SLC13A3: variants seen among roughly 807,000 people sequenced by gnomAD.
SLC13A3 encodes solute carrier family 13 member 3, also known as Na(+)/dicarboxylate cotransporter 3.
A neutral mutation model predicts 59.0 loss-of-function variants in SLC13A3; 40 were observed. That is an observed-to-expected ratio of 0.68 (90% confidence interval 0.53 to 0.88). The LOEUF is 0.88. Among genes scored for constraint, SLC13A3 ranks in the 40% least tolerant of loss-of-function variants. The pLI is 0.00. For synonymous variants in SLC13A3, 317 were observed against 330.3 expected (o/e 0.96, Z 0.44); for missense variants, 699 against 783.2 (o/e 0.89, Z 1.28).
rs749260125 is a variant in SLC13A3 at position 46,589,198 on chromosome 20, A to T, written c.978T>A (p.Ala326=). 56 of 1,614,092 alleles carry T rather than the reference A, an allele frequency of 3.5e-5. No individual in the cohort carries two copies. Among genetic ancestry groups the T allele is most frequent in the Non-Finnish European group, 4.6e-5 (54 of 1,180,034 alleles). Residue 326 remains alanine, a synonymous_variant, in exon 7 of 13, where the codon GCT becomes GCA. Transcript: ENST00000279027. ...GGTTCTGGTATTCTTCCCGAATTAC[A>T]GCTCGAGCCCTATCTTCTGCATTGG... ...IRTNAEDRAR[A]VIREEYQNLG...
rs149282922 is a variant in SLC13A3, at chr20:46,566,339, C to T, written c.1384G>A (p.Val462Met). ...IGGQLHPLEN[V>M]PPALAVLLIT... is the part of the protein sequence containing the mutation. Reference sequence around the variant, plus strand: ...AGCAGCACAGCCAGGGCGGGGGGCACATTCTCCAGGGGGTGCAGCTGCCCA... The same window carrying T: ...AGCAGCACAGCCAGGGCGGGGGGCATATTCTCCAGGGGGTGCAGCTGCCCA... The change falls in exon 11 of 13, where the codon GTG becomes ATG. Residue 462 changes from valine (V) to methionine (M), a missense_variant. Val to Met is a conservative substitution (Grantham distance 21). Transcript: ENST00000279027. 1.2e-4 allele frequency: 191 copies of T among 1,612,740 alleles called. No homozygotes were observed. The African/African-American group carries it at 2.5e-3, about 21-fold the overall frequency.
At chr20:46,615,463 C>G (rs2062545778) in intron 1 of SLC13A3, among the ~76,000 whole-genome samples, 1 of 152,160 alleles carries the variant, frequency 6.6e-6, no homozygotes, top group African/African-American at 2.4e-5. Context: ...CATCAGACAA[C>G]TGTGACAACA....
rs1555874375 is a variant in SLC13A3, at chr20:46,563,610, A to AGAG, written c.1495-60_1495-59insCTC. On this transcript the variant is annotated intron_variant, in intron 11 of 12. Coordinates refer to ENST00000279027, the MANE Select transcript of SLC13A3 (RefSeq NM_022829.6). Reference sequence around the variant, plus strand: ...GAGACCAACGCAGAGCGACCACAGCAAGAGGGAGAGAGAGAGAGAGAGGCA... The same window carrying AGAG: ...GAGACCAACGCAGAGCGACCACAGCAGAGAGAGGGAGAGAGAGAGAGAGAGGCA... 2.8e-4 allele frequency: 157 copies of AGAG among 560,446 alleles called. 1 individual carries two copies. The African/African-American group carries it at 9.7e-3, about 35-fold the overall frequency. The allele number at this position is 560,446 out of a possible 1,614,324, so 34.7% of individuals were successfully genotyped here.
intron 1 of SLC13A3, among the ~76,000 whole-genome samples, chr20:46,662,686 T>A (rs2063038550): frequency 6.6e-6 from 1 of 152,238 alleles, no homozygotes; most frequent in African/African-American, 2.4e-5. Flanking sequence ...AATGTTCTGA[T>A]GAGAAGTCAG....
chr20:46,578,024 G>A (rs2062096305), intron 9 of SLC13A3, among the ~76,000 whole-genome samples: 1 of 151,774 alleles, frequency 6.6e-6, no homozygotes, highest in Non-Finnish European at 1.5e-5. Flanking sequence ...TTTTTGAGAT[G>A]GAGTCTCGTC....
chr20:46,657,464 A>G (rs897729821), intron 1 of SLC13A3, among the ~76,000 whole-genome samples: 1 of 151,744 alleles, frequency 6.6e-6, no homozygotes, highest in Non-Finnish European at 1.5e-5. Context: ...GTACTGTATT[A>G]CGAGATTTTG....
At chr20:46,612,506 T>C (rs1005405589) in intron 2 of SLC13A3, among the ~76,000 whole-genome samples, 5 of 152,078 alleles carry the variant, frequency 3.3e-5, no homozygotes, top group African/African-American at 9.7e-5. Flanking sequence ...CACTCAAAAC[T>C]GCTCAACATT....
chr20:46,650,521 A>G (rs1310304281), intron 1 of SLC13A3, among the ~76,000 whole-genome samples: 1 of 152,206 alleles, frequency 6.6e-6, no homozygotes, highest in Non-Finnish European at 1.5e-5. Flanking sequence ...AAGACCAGTC[A>G]CTGCTTATTG....
At chr20:46,643,898 C>T (rs1406842809) in intron 1 of SLC13A3, among the ~76,000 whole-genome samples, 5 of 152,022 alleles carry the variant, frequency 3.3e-5, no homozygotes, top group South Asian at 4.2e-4. Flanking sequence ...ATTAGCCAGG[C>T]GTGGTGACGT....
At chr20:46,634,843 G>C (rs929799577) in intron 1 of SLC13A3, among the ~76,000 whole-genome samples, 16 of 152,236 alleles carry the variant, frequency 1.1e-4, no homozygotes, top group African/African-American at 3.9e-4. Context: ...CTTCCCAACT[G>C]TCCAGCTGGT....
upstream of SLC13A3, among the ~76,000 whole-genome samples, chr20:46,673,439 C>G (rs1275129741): frequency 6.6e-6 from 1 of 152,152 alleles, no homozygotes; most frequent in Non-Finnish European, 1.5e-5. Flanking sequence ...GGGCTGTCCT[C>G]TTTGCAGCCT....
At chr20:46,574,381 C>A (rs1269401254) in intron 10 of SLC13A3, among the ~76,000 whole-genome samples, 1 of 152,172 alleles carries the variant, frequency 6.6e-6, no homozygotes, top group Non-Finnish European at 1.5e-5. Flanking sequence ...ACTCTTAGGG[C>A]TGGTGTGGCG....
At chr20:46,673,186 A>G (rs1303267225), upstream of SLC13A3, among the ~76,000 whole-genome samples, 2 of 152,222 alleles carry the variant, frequency 1.3e-5, no homozygotes, top group Non-Finnish European at 2.9e-5. Flanking sequence ...GTGCTGTTCT[A>G]AGGGCTGTTC....
intron 10 of SLC13A3, chr20:46,566,593 G>A (rs1341634580): frequency 1.4e-5 from 7 of 512,800 alleles, no homozygotes; most frequent in South Asian, 3.2e-5. Flanking sequence ...TCTACTTCTC[G>A]AACTGCTCTC....
intron 1 of SLC13A3, among the ~76,000 whole-genome samples, chr20:46,659,680 C>CA (rs1262997078): frequency 2.0e-5 from 3 of 149,934 alleles, no homozygotes; most frequent in Non-Finnish European, 4.4e-5. Flanking sequence ...CACAGTACTG[C>CA]ACTCCAGCCT....
intron 1 of SLC13A3, among the ~76,000 whole-genome samples, chr20:46,676,510 C>T (rs548162601): frequency 6.6e-6 from 1 of 151,610 alleles, no homozygotes; most frequent in South Asian, 2.1e-4. Context: ...CCACCTCAGC[C>T]TCCCAAATTG....
At chr20:46,589,654 T>C (rs930316967) in intron 6 of SLC13A3, among the ~76,000 whole-genome samples, 5 of 152,164 alleles carry the variant, frequency 3.3e-5, no homozygotes, top group African/African-American at 9.7e-5. Flanking sequence ...ATCAGACATA[T>C]AGATCAATGG....
chr20:46,599,606 T>C (rs1019980724), intron 4 of SLC13A3, among the ~76,000 whole-genome samples: 2 of 145,670 alleles, frequency 1.4e-5, no homozygotes, highest in African/African-American at 5.7e-5. Context: ...TTATAAGGAA[T>C]TTTTTTGTCT....
intron 5 of SLC13A3, among the ~76,000 whole-genome samples, chr20:46,595,428 G>A (rs756912796): frequency 2.0e-5 from 3 of 152,066 alleles, no homozygotes; most frequent in Non-Finnish European, 4.4e-5. Flanking sequence ...CCCAGTCACT[G>A]CTGACCACTT....
Sources: allele counts gnomAD v4.1 joint callset (sites outside exome capture counted in the v4.1 genomes callset), GRCh38; gene constraint gnomAD v4.1.1; transcripts MANE v1.5; gene names NCBI Gene and HGNC (gene_info 2026-07-23, HGNC 2026-07-21).